The following ZNF487 variants were observed in gnomAD, a reference collection of about 807,000 sequenced individuals.
The protein encoded by ZNF487 is zinc finger protein 487, also known as KRAB domain only 1.
Under a neutral mutation model 3.0 loss-of-function variants are expected in ZNF487, and 4 were observed. The ratio of observed to expected loss-of-function variants is 1.35; its 90% CI spans 0.66 to 3.08. The LOEUF is 3.08. ZNF487 is among the 30% of genes most tolerant of loss of function. The pLI is 0.01. For missense variants in ZNF487, 146 were observed against 98.7 expected, an observed-to-expected ratio of 1.48 and a Z score of -2.03; for synonymous variants, 55 against 34.6, an observed-to-expected ratio of 1.59 and a Z score of -2.06.
intron 1 of ZNF487, among the ~76,000 whole-genome samples, chr10:43,469,622 T>C (rs535497907): frequency 6.6e-6 from 1 of 152,094 alleles, no homozygotes; most frequent in Non-Finnish European, 1.5e-5. Context: ...ATTACAGGCA[T>C]GAACCAATGT....
intron 1 of ZNF487, among the ~76,000 whole-genome samples, chr10:43,442,788 G>A (rs190720741): frequency 7.9e-4 from 120 of 152,268 alleles, no homozygotes; most frequent in African/African-American, 2.8e-3. Flanking sequence ...GGTACAAGTT[G>A]TGTTCAGCGT....
At chr10:43,469,075 T>A (rs953178249) in intron 1 of ZNF487, among the ~76,000 whole-genome samples, 9 of 150,144 alleles carry the variant, frequency 6.0e-5, no homozygotes, top group Non-Finnish European at 1.3e-4. Flanking sequence ...TTTTAAGAAA[T>A]TGCACAGCCA....
At chr10:43,477,033 A>C (rs979159040) in intron 3 of ZNF487, among the ~76,000 whole-genome samples, 1 of 152,170 alleles carries the variant, frequency 6.6e-6, no homozygotes, top group East Asian at 1.9e-4. Flanking sequence ...TAAGAGATAG[A>C]CACATAAATT....
At chr10:43,451,099 A>T (rs1157415375) in intron 1 of ZNF487, among the ~76,000 whole-genome samples, 4 of 151,838 alleles carry the variant, frequency 2.6e-5, no homozygotes, top group African/African-American at 9.7e-5. Flanking sequence ...GGCATGTGCC[A>T]CCACGCCCAG....
chr10:43,466,140 A>G (rs933732199), intron 1 of ZNF487, among the ~76,000 whole-genome samples: 15 of 105,550 alleles, frequency 1.4e-4, no homozygotes, highest in African/African-American at 5.4e-4. Context: ...TGGCAGCAGT[A>G]CAGTCCAGCT....
chr10:43,482,449 G>T lies in ZNF487; in HGVS notation c.*527G>T, dbSNP rs549975810. On this transcript the variant is annotated 3_prime_UTR_variant, in exon 4 of 4. Transcript: ENST00000437590. ...AATGTGGGAAAACTTTTGGATATAG[G>T]TCATGCCTTGCAGTACATCAAAGAA... The T allele has an allele frequency of 8.5e-6, 4 of 470,392 alleles. No homozygotes were observed. Among genetic ancestry groups the T allele is most frequent in the African/African-American group, 6.0e-5 (3 of 50,300 alleles). The allele number at this position is 470,392 out of a possible 1,614,324, so 29.1% of individuals were successfully genotyped here. A position where few individuals can be genotyped will look rare whatever the true frequency, so the allele number is the denominator to read the frequency against.
the ZNF487 span, among the ~76,000 whole-genome samples, chr10:43,522,602 C>T: frequency 2.8e-4 from 43 of 152,086 alleles, no homozygotes; most frequent in Non-Finnish European, 3.7e-4. Context: ...GGCACGGTGG[C>T]GGGTGCCTGT....
chr10:43,499,210 A>G, the ZNF487 span, among the ~76,000 whole-genome samples: 11 of 152,064 alleles, frequency 7.2e-5, no homozygotes, highest in East Asian at 2.1e-3. Flanking sequence ...AAAACCAACC[A>G]TTGTAAACAA....
intron 3 of ZNF487, among the ~76,000 whole-genome samples, chr10:43,481,090 G>A (rs374855304): frequency 6.6e-6 from 1 of 152,106 alleles, no homozygotes; most frequent in South Asian, 2.1e-4. Flanking sequence ...GAGCTGTGAT[G>A]CTGCCACTGC....
the ZNF487 span, among the ~76,000 whole-genome samples, chr10:43,495,039 A>C: frequency 6.6e-6 from 1 of 152,020 alleles, no homozygotes; most frequent in Non-Finnish European, 1.5e-5. Context: ...TGTTTAACTT[A>C]TGATAAAATA....
At chr10:43,517,391 T>G in the ZNF487 span, among the ~76,000 whole-genome samples, 3 of 152,242 alleles carry the variant, frequency 2.0e-5, no homozygotes, top group African/African-American at 7.2e-5. Context: ...TGGCCCACCT[T>G]GGATGGATTC....
chr10:43,515,889 C>T, the ZNF487 span, among the ~76,000 whole-genome samples: 4 of 152,166 alleles, frequency 2.6e-5, no homozygotes, highest in Admixed American at 6.5e-5. Context: ...ATTCCCCTGC[C>T]TCAGCCTCTT....
intron 1 of ZNF487, among the ~76,000 whole-genome samples, chr10:43,460,795 C>T (rs887934043): frequency 6.6e-6 from 1 of 151,576 alleles, no homozygotes; most frequent in Non-Finnish European, 1.5e-5. Flanking sequence ...CGAGTTCAAG[C>T]GATTCTTGTG....
Position 43,482,448 on chromosome 10 carries a change from G to T in ZNF487, c.*526G>T. 2.1e-6 allele frequency: 1 copy of T among 470,566 alleles called. No individual in the cohort carries two copies. 29.1% of individuals were successfully genotyped at this position (470,566 alleles called of 1,614,324 possible). A position where few individuals can be genotyped will look rare whatever the true frequency, so the allele number is the denominator to read the frequency against. ...GAATGTGGGAAAACTTTTGGATATA[G>T]GTCATGCCTTGCAGTACATCAAAGA... On this transcript the variant is annotated 3_prime_UTR_variant, in exon 4 of 4. Transcript: ENST00000437590.
the ZNF487 span, among the ~76,000 whole-genome samples, chr10:43,516,963 T>C: frequency 6.6e-6 from 1 of 152,238 alleles, no homozygotes; most frequent in Non-Finnish European, 1.5e-5. Flanking sequence ...ACAGTATGCC[T>C]CTACCAGGTT....
chr10:43,471,794 T>G (rs187581983), intron 1 of ZNF487, among the ~76,000 whole-genome samples: 2 of 152,176 alleles, frequency 1.3e-5, no homozygotes, highest in Admixed American at 6.6e-5. Context: ...GCACTCAGAA[T>G]GGACAGTGTG....
the ZNF487 span, among the ~76,000 whole-genome samples, chr10:43,507,324 C>A: frequency 4.3e-3 from 649 of 152,260 alleles, 3 homozygotes; most frequent in African/African-American, 0.015. Context: ...GTCTGCCCTT[C>A]CTGAGGTTAG....
At chr10:43,499,816 G>A in the ZNF487 span, among the ~76,000 whole-genome samples, 1 of 151,468 alleles carries the variant, frequency 6.6e-6, no homozygotes, top group African/African-American at 2.4e-5. Context: ...TGAGTATATA[G>A]CAAGTTGGCA....
At chr10:43,498,243 C>T in the ZNF487 span, among the ~76,000 whole-genome samples, 1 of 93,298 alleles carries the variant, frequency 1.1e-5, no homozygotes, top group South Asian at 4.4e-4. Context: ...CCTACTCTGT[C>T]TTGTATTTGG....
Sources: gnomAD v4.1 joint callset for allele counts (sites outside exome capture counted in the v4.1 genomes callset) on GRCh38, gnomAD v4.1.1 for gene constraint, MANE v1.5 for transcripts, NCBI Gene and HGNC (gene_info 2026-07-23, HGNC 2026-07-21) for gene names.